The following MYO3A variants were observed in gnomAD, a reference collection of about 807,000 sequenced individuals.
MYO3A encodes myosin-IIIa.
A neutral mutation model predicts 192.7 loss-of-function variants in MYO3A; 180 were observed. The observed-to-expected ratio is 0.93, with a 90% CI of 0.83 to 1.06. The LOEUF (loss-of-function observed/expected upper bound fraction) is 1.06. MYO3A is among the 50% of genes least tolerant of loss of function. The pLI, the probability that MYO3A is intolerant of heterozygous loss-of-function variation, is 0.00. For synonymous variants in MYO3A, 628 were observed against 645.3 expected (o/e 0.97, Z 0.41); for missense variants, 1,896 against 1,905.0 (o/e 1.00, Z 0.09).
chr10:26,110,400 G>A (rs1267834102), intron 17 of MYO3A, among the ~76,000 whole-genome samples: 3 of 152,146 alleles, frequency 2.0e-5, no homozygotes, highest in Non-Finnish European at 4.4e-5. Context: ...AGGGCTTTTG[G>A]AGAAGCTTTC....
In MYO3A at chr10:26,125,447, CT is replaced by C; in HGVS notation, c.1954del (p.Ser652ProfsTer17). On this transcript the variant is annotated frameshift_variant, in exon 19 of 35. Transcript: ENST00000642920. LOFTEE classifies it high-confidence loss of function. ...RADELQEALT[S>X]HCVVTRGETI... ...CAGATGAGCTACAAGAAGCTCTCAC[CT>C]CCCACTGTGTGGTCACTAGAGGAGA... is the stretch of plus-strand genomic sequence containing the variant. 1 of 1,614,032 alleles carries C rather than the reference CT, an allele frequency of 6.2e-7. No individual in the cohort carries two copies. The highest frequency in any genetic ancestry group is 8.5e-7 in the Non-Finnish European group (1 of 1,179,932).
At position 26,056,147 on chromosome 10, in the gene MYO3A, T is replaced by C. The variant is rs1834096852; in HGVS notation, c.954-10828T>C. ...GCAATGTAAGTAGAGAGATGGGAAT[T>C]CTGAGAAGGAATTTGAAATGTTAGA... On this transcript the variant is annotated intron_variant, in intron 10 of 34. Transcript: ENST00000642920. 5.3e-5 allele frequency among the ~76,000 whole-genome samples: 8 copies of C among 152,140 alleles called. No homozygotes were observed. In the South Asian group the frequency reaches 1.7e-3, roughly 32 times the overall value.
intron 4 of MYO3A, among the ~76,000 whole-genome samples, chr10:25,970,077 T>G (rs1266948706): frequency 2.0e-5 from 3 of 151,854 alleles, no homozygotes; most frequent in Non-Finnish European, 2.9e-5. Context: ...CTAAGAGAAA[T>G]GAAAAAAGAA....
chr10:26,081,604 A>T (rs538270899), intron 14 of MYO3A, among the ~76,000 whole-genome samples: 1 of 152,212 alleles, frequency 6.6e-6, no homozygotes, highest in Admixed American at 6.5e-5. Context: ...AAATTGTTAC[A>T]AAGTTCAGCT....
intron 2 of MYO3A, 40 bp downstream of exon 2, chr10:25,935,870 A>G (rs1411695073): frequency 6.6e-6 from 1 of 152,074 alleles, no homozygotes; most frequent in Non-Finnish European, 1.5e-5. Context: ...GTTTGCCAGA[A>G]CCTAAGTGCC....
intron 2 of MYO3A, among the ~76,000 whole-genome samples, chr10:25,949,224 G>T (rs1837050016): frequency 6.6e-6 from 1 of 151,890 alleles, no homozygotes; most frequent in Non-Finnish European, 1.5e-5. Context: ...AAAATACTTT[G>T]CACATATTTG....
At chr10:26,001,978 C>A (rs1416365742) in intron 6 of MYO3A, among the ~76,000 whole-genome samples, 2 of 152,136 alleles carry the variant, frequency 1.3e-5, no homozygotes, top group Non-Finnish European at 2.9e-5. Context: ...CAGAGTGAGA[C>A]CCTTTCTGAG....
At chr10:26,041,612 C>T (rs1843352434) in intron 10 of MYO3A, among the ~76,000 whole-genome samples, 1 of 151,742 alleles carries the variant, frequency 6.6e-6, no homozygotes, top group African/African-American at 2.4e-5. Flanking sequence ...GATTTGAGGC[C>T]ACCACAAGGC....
At chr10:26,151,987 T>C (rs1840817408) in intron 23 of MYO3A, among the ~76,000 whole-genome samples, 1 of 152,210 alleles carries the variant, frequency 6.6e-6, no homozygotes, top group Non-Finnish European at 1.5e-5. Context: ...GCAAAAGTCA[T>C]TAATTTTGAC....
At chr10:26,054,142 A>T in intron 10 of MYO3A, among the ~76,000 whole-genome samples, 1 of 107,336 alleles carries the variant, frequency 9.3e-6, no homozygotes, top group East Asian at 1.9e-4. Context: ...CCTTACTTTG[A>T]GTGAGTGACA....
chr10:26,026,816 C>T (rs531658369), intron 10 of MYO3A, among the ~76,000 whole-genome samples: 1 of 152,234 alleles, frequency 6.6e-6, no homozygotes, highest in South Asian at 2.1e-4. Context: ...ATTCTCCTGC[C>T]TCAGCCTCCC....
intron 17 of MYO3A, among the ~76,000 whole-genome samples, chr10:26,115,659 A>C (rs1429138269): frequency 6.6e-6 from 1 of 152,178 alleles, no homozygotes; most frequent in Non-Finnish European, 1.5e-5. Flanking sequence ...AACATAACTA[A>C]ATTCTCTTAA....
At chr10:26,202,783 T>C (rs1201306012) in intron 33 of MYO3A, 181 bp from the exon 34 acceptor site, 2 of 642,080 alleles carry the variant, frequency 3.1e-6, no homozygotes, top group African/African-American at 3.7e-5. Context: ...TATGAAGGTT[T>C]TTCTTTTTTA....
At chr10:25,991,573 C>T (rs1461485940) in intron 4 of MYO3A, among the ~76,000 whole-genome samples, 2 of 152,130 alleles carry the variant, frequency 1.3e-5, no homozygotes, top group Non-Finnish European at 2.9e-5. Flanking sequence ...GTGTTTTAGA[C>T]ATGAAGTCCT....
intron 10 of MYO3A, 112 bp from the exon 11 acceptor site, chr10:26,066,863 T>C (rs546920866): frequency 1.9e-5 from 14 of 721,762 alleles, no homozygotes; most frequent in Middle Eastern, 2.5e-4. Flanking sequence ...TATCTTATCA[T>C]TGAATTTAAT....
At chr10:25,955,141 G>T in intron 4 of MYO3A, 133 bp downstream of exon 4, 1 of 1,324,866 alleles carries the variant, frequency 7.5e-7, no homozygotes, top group South Asian at 1.2e-5. Flanking sequence ...TGAATGTTGT[G>T]CCTAGTTTTG....
chr10:26,040,537 T>C (rs1384118843), intron 10 of MYO3A, among the ~76,000 whole-genome samples: 1 of 152,170 alleles, frequency 6.6e-6, no homozygotes, highest in East Asian at 1.9e-4. Flanking sequence ...GAATGTTATC[T>C]TTTGTTTCCG....
intron 14 of MYO3A, among the ~76,000 whole-genome samples, chr10:26,075,685 CTCAT>C (rs1406026506): frequency 4.9e-5 from 7 of 143,244 alleles, no homozygotes; most frequent in African/African-American, 1.8e-4. Flanking sequence ...ATATGTCTCT[CTCAT>C]ATATATGATA....
intron 23 of MYO3A, among the ~76,000 whole-genome samples, chr10:26,153,328 C>A (rs979197403): frequency 4.6e-5 from 7 of 152,182 alleles, no homozygotes; most frequent in Non-Finnish European, 7.3e-5. Context: ...GCTTCTCAGG[C>A]CATAATTTTT....
Sources: allele counts gnomAD v4.1 joint callset (sites outside exome capture counted in the v4.1 genomes callset), GRCh38; gene constraint gnomAD v4.1.1; transcripts MANE v1.5; gene names NCBI Gene and HGNC (gene_info 2026-07-23, HGNC 2026-07-21).